Variants in ADRA1B observed in about 807,000 individuals in gnomAD.
ADRA1B encodes alpha-1B adrenergic receptor.
Under a neutral mutation model 17.9 loss-of-function variants are expected in ADRA1B, and 17 were observed. The ratio of observed to expected loss-of-function variants is 0.95; its 90% CI spans 0.65 to 1.42. The LOEUF is 1.42. Among genes scored for constraint, ADRA1B ranks in the 40% most tolerant of loss-of-function variants. ADRA1B has a pLI of 0.00. For missense variants in ADRA1B, 681 were observed against 722.1 expected (o/e 0.94, Z 0.65); for synonymous variants, 366 against 327.6 (o/e 1.12, Z -1.27).
chr5:159,877,520 C>T (rs1440344636), intron 1 of ADRA1B, among the ~76,000 whole-genome samples: 6 of 152,016 alleles, frequency 3.9e-5, no homozygotes, highest in African/African-American at 1.5e-4. Flanking sequence ...TCCTTCTAAA[C>T]ACTTTCATAT....
intron 1 of ADRA1B, among the ~76,000 whole-genome samples, chr5:159,909,720 T>C (rs1754206805): frequency 6.6e-6 from 1 of 152,212 alleles, no homozygotes; most frequent in Non-Finnish European, 1.5e-5. Flanking sequence ...TGTTCCATAA[T>C]AAATGGTGAA....
chr5:159,980,750 G>A, the ADRA1B span, among the ~76,000 whole-genome samples: 1 of 152,136 alleles, frequency 6.6e-6, no homozygotes, highest in African/African-American at 2.4e-5. Context: ...ATAGCCAACA[G>A]TATTAGTGAT....
intron 1 of ADRA1B, among the ~76,000 whole-genome samples, chr5:159,872,246 G>T (rs1753750762): frequency 6.6e-6 from 1 of 152,138 alleles, no homozygotes; most frequent in South Asian, 2.1e-4. Flanking sequence ...CTATGTTAAT[G>T]AGTGCTCTTG....
intron 1 of ADRA1B, among the ~76,000 whole-genome samples, chr5:159,873,559 C>G (rs1386097757): frequency 1.3e-5 from 2 of 152,232 alleles, no homozygotes; most frequent in African/African-American, 4.8e-5. Context: ...TCTGTTCAAT[C>G]CTGTTTCCTC....
intron 1 of ADRA1B, among the ~76,000 whole-genome samples, chr5:159,928,597 A>G (rs1420396909): frequency 6.6e-6 from 1 of 152,138 alleles, no homozygotes; most frequent in Non-Finnish European, 1.5e-5. Flanking sequence ...GCTCCCCGCT[A>G]AGCTTTCTCT....
chr5:159,984,302 C>T, the ADRA1B span, among the ~76,000 whole-genome samples: 2 of 152,304 alleles, frequency 1.3e-5, no homozygotes, highest in South Asian at 2.1e-4. Flanking sequence ...ATGTTCCAAA[C>T]TGACCTTTTG....
At chr5:159,925,622 GTAT>G (rs1754624112) in intron 1 of ADRA1B, among the ~76,000 whole-genome samples, 2 of 152,126 alleles carry the variant, frequency 1.3e-5, no homozygotes, top group Non-Finnish European at 2.9e-5. Context: ...GGGCGAGAGA[GTAT>G]TTCTAGAAGC....
intron 1 of ADRA1B, among the ~76,000 whole-genome samples, chr5:159,895,420 G>A (rs1313104044): frequency 6.6e-6 from 1 of 152,240 alleles, no homozygotes; most frequent in Non-Finnish European, 1.5e-5. Context: ...CCTGGAACAA[G>A]ATGCTACTGC....
Position 159,972,246 on chromosome 5 carries a change from C to A in ADRA1B, c.1317C>A (p.Val439=), listed in dbSNP as rs1201364117. 5 of 1,342,862 alleles carry A rather than the reference C, an allele frequency of 3.7e-6. No individual in the cohort carries two copies. In the African/African-American group the frequency reaches 4.6e-5, roughly 12 times the overall value. 83.2% of individuals were successfully genotyped at this position (1,342,862 alleles called of 1,614,324 possible). The change falls in exon 2 of 2, where the codon GTC becomes GTA. Residue 439 remains valine, a synonymous_variant. Coordinates refer to ENST00000306675, the MANE Select transcript of ADRA1B (RefSeq NM_000679.4). The part of the protein sequence containing the change: ...GYLGRGAPPP[V]ELCAFPEWKA... ...TGGGCCGCGGCGCGCCACCGCCAGTCGAGCTGTGCGCCTTCCCCGAGTGGA... is the reference window on the plus strand; with the variant it reads ...TGGGCCGCGGCGCGCCACCGCCAGTAGAGCTGTGCGCCTTCCCCGAGTGGA...
At chr5:159,977,659 G>T (rs953023073), downstream of ADRA1B, among the ~76,000 whole-genome samples, 2 of 152,172 alleles carry the variant, frequency 1.3e-5, no homozygotes, top group African/African-American at 2.4e-5. Context: ...ATTCCCTTGG[G>T]CAATGAGTGG....
At chr5:159,920,627 G>A (rs182820580) in intron 1 of ADRA1B, among the ~76,000 whole-genome samples, 1 of 152,318 alleles carries the variant, frequency 6.6e-6, no homozygotes. Flanking sequence ...TGTGGGGAAT[G>A]TGGACTCTAG....
rs532286291 is a variant in ADRA1B, at chr5:159,916,680, C to T, written c.-226C>T. 1.9e-6 allele frequency: 1 copy of T among 522,026 alleles called. No homozygotes were observed. The highest frequency in any genetic ancestry group is 3.1e-5 in the South Asian group (1 of 32,502). The allele number at this position is 522,026 out of a possible 1,614,324, so 32.3% of individuals were successfully genotyped here. ...ACCATTAAACTTGGAGCTGCCGCCTCGTCCCCTCTCCTCCTCCTCCTCCCT... is the reference window on the plus strand; with the variant it reads ...ACCATTAAACTTGGAGCTGCCGCCTTGTCCCCTCTCCTCCTCCTCCTCCCT... On this transcript the variant is annotated 5_prime_UTR_variant, in exon 1 of 2. Coordinates refer to ENST00000306675, the MANE Select transcript of ADRA1B (RefSeq NM_000679.4).
At chr5:159,986,479 G>C in the ADRA1B span, among the ~76,000 whole-genome samples, 1 of 152,226 alleles carries the variant, frequency 6.6e-6, no homozygotes, top group Non-Finnish European at 1.5e-5. Flanking sequence ...TCTTGGAAAA[G>C]AGGTGTGTGC....
chr5:159,924,382 G>A (rs1184156611), intron 1 of ADRA1B, among the ~76,000 whole-genome samples: 1 of 152,078 alleles, frequency 6.6e-6, no homozygotes, highest in Non-Finnish European at 1.5e-5. Context: ...AAACTTTACT[G>A]AGTCTCCTAA....
chr5:159,922,806 G>A (rs952973256), intron 1 of ADRA1B, among the ~76,000 whole-genome samples: 29 of 152,334 alleles, frequency 1.9e-4, no homozygotes, highest in African/African-American at 6.0e-4. Flanking sequence ...TTATACTGAC[G>A]ATATAATGGT....
chr5:159,876,256 T>C lies in ADRA1B; in HGVS notation c.-256+11050T>C, dbSNP rs1183842022. Reference sequence around the variant, plus strand: ...TTTTAAAAAAGTCTACAAGTTGGCATGGTTAGATTGTGGCTCAACAATGTC... The same window carrying C: ...TTTTAAAAAAGTCTACAAGTTGGCACGGTTAGATTGTGGCTCAACAATGTC... On this transcript the variant is annotated intron_variant, in intron 1 of 2. Transcript: ENST00000641205. Among the ~76,000 whole-genome samples, 7 of 152,214 alleles carry C rather than the reference T, an allele frequency of 4.6e-5. No homozygotes were observed. The East Asian group carries it at 1.3e-3, about 29-fold the overall frequency.
At chr5:159,962,930 CTTTTCTT>C (rs1410263916) in intron 1 of ADRA1B, among the ~76,000 whole-genome samples, 5 of 57,418 alleles carry the variant, frequency 8.7e-5, no homozygotes, top group Non-Finnish European at 1.4e-4. Flanking sequence ...TTTTTCTTTT[CTTTTCTT>C]TTTTTTTTTT....
At chr5:159,892,656 A>G (rs950747497) in intron 1 of ADRA1B, among the ~76,000 whole-genome samples, 1 of 152,224 alleles carries the variant, frequency 6.6e-6, no homozygotes, top group African/African-American at 2.4e-5. Flanking sequence ...CCTGCAAAAG[A>G]CATGATCTCA....
At chr5:159,907,295 C>G (rs998497217) in intron 1 of ADRA1B, among the ~76,000 whole-genome samples, 11 of 152,202 alleles carry the variant, frequency 7.2e-5, no homozygotes, top group Non-Finnish European at 1.6e-4. Flanking sequence ...AGCCCTGGCT[C>G]TCTGGATATG....
Sources: allele counts gnomAD v4.1 joint callset (sites outside exome capture counted in the v4.1 genomes callset), GRCh38; gene constraint gnomAD v4.1.1; transcripts MANE v1.5; gene names NCBI Gene and HGNC (gene_info 2026-07-23, HGNC 2026-07-21).